Variants in RBFOX1 observed in about 807,000 individuals in gnomAD.
The protein encoded by RBFOX1 is RNA binding fox-1 homolog 1, also known as RNA binding protein fox-1 homolog 1.
RBFOX1 carries 8 observed loss-of-function variants against 57.7 expected under a neutral mutation model. The observed-to-expected ratio is 0.14, with a 90% CI of 0.08 to 0.25. The LOEUF (loss-of-function observed/expected upper bound fraction) is 0.25. Among genes scored for constraint, RBFOX1 ranks in the 10% least tolerant of loss-of-function variants. RBFOX1 has a pLI of 1.00. For synonymous variants in RBFOX1, 326 were observed against 222.4 expected, an observed-to-expected ratio of 1.47 and a Z score of -4.15; for missense variants, 611 against 548.5, an observed-to-expected ratio of 1.11 and a Z score of -1.14.
chr16:5,418,593 T>C (rs1261512126), intron 1 of RBFOX1, among the ~76,000 whole-genome samples: 2 of 152,058 alleles, frequency 1.3e-5, no homozygotes, highest in Non-Finnish European at 2.9e-5. Context: ...TGAACCAGTT[T>C]ATGGATTTAT....
intron 3 of RBFOX1, among the ~76,000 whole-genome samples, chr16:7,001,581 C>G (rs372646305): frequency 6.6e-6 from 1 of 152,026 alleles, no homozygotes; most frequent in Non-Finnish European, 1.5e-5. Context: ...ATCAGCCTCC[C>G]GAGTAGCTGG....
intron 3 of RBFOX1, among the ~76,000 whole-genome samples, chr16:6,818,034 G>T (rs1236017013): frequency 1.3e-5 from 2 of 152,130 alleles, no homozygotes; most frequent in Admixed American, 6.5e-5. Context: ...TTTTGTGTCT[G>T]CTCTCCTATA....
chr16:6,213,024 T>G (rs1598413674), intron 1 of RBFOX1, among the ~76,000 whole-genome samples: 1 of 152,188 alleles, frequency 6.6e-6, no homozygotes, highest in African/African-American at 2.4e-5. Flanking sequence ...CCTGGAGACA[T>G]CCCTGCGTTG....
intron 4 of RBFOX1, among the ~76,000 whole-genome samples, chr16:7,155,791 A>G (rs111451230): frequency 6.9e-6 from 1 of 145,472 alleles, no homozygotes; most frequent in African/African-American, 2.5e-5. Context: ...ATATATAATC[A>G]TTCAGCTATT....
intron 3 of RBFOX1, among the ~76,000 whole-genome samples, chr16:6,754,784 A>G (rs147555082): frequency 0.021 from 3,236 of 152,136 alleles, 116 homozygotes; most frequent in African/African-American, 0.074. Flanking sequence ...TACATGTGCC[A>G]TGCTGGTGTG....
chr16:5,986,499 C>T (rs755933174), intron 4 of RBFOX1, among the ~76,000 whole-genome samples: 1 of 152,184 alleles, frequency 6.6e-6, no homozygotes, highest in African/African-American at 2.4e-5. Context: ...CGAATCATTC[C>T]ATTACTGTAA....
intron 3 of RBFOX1, among the ~76,000 whole-genome samples, chr16:6,943,054 G>A (rs12598594): frequency 0.12 from 18,808 of 152,150 alleles, 1,285 homozygotes; most frequent in East Asian, 0.23. Context: ...CTCCCTGAAT[G>A]CCTTTACGTT....
chr16:5,591,412 C>T (rs113854413), intron 2 of RBFOX1, among the ~76,000 whole-genome samples: 8,176 of 152,068 alleles, frequency 0.054, 704 homozygotes, highest in African/African-American at 0.18. Flanking sequence ...CCACTGTGCT[C>T]GGTTAATTTT....
At chr16:7,022,174 C>G (rs547722115) in intron 3 of RBFOX1, among the ~76,000 whole-genome samples, 2 of 149,852 alleles carry the variant, frequency 1.3e-5, no homozygotes, top group African/African-American at 4.9e-5. Context: ...AATGATCCTC[C>G]CACCTCAGCC....
At chr16:5,862,615 C>T (rs1412147473) in intron 3 of RBFOX1, among the ~76,000 whole-genome samples, 1 of 152,160 alleles carries the variant, frequency 6.6e-6, no homozygotes, top group South Asian at 2.1e-4. Flanking sequence ...ATGATAGAGA[C>T]CGGGTTCAGT....
chr16:6,849,623 T>A (rs980783172), intron 3 of RBFOX1, among the ~76,000 whole-genome samples: 2 of 152,172 alleles, frequency 1.3e-5, no homozygotes, highest in East Asian at 1.9e-4. Context: ...GAGCTGAGAT[T>A]GTACCACTGT....
At position 6,019,830 on chromosome 16, in the gene RBFOX1, G is replaced by C. The variant is rs2095031755; in HGVS notation, c.-289G>C. 1.8e-5 allele frequency: 27 copies of C among 1,522,630 alleles called. No individual in the cohort carries two copies. The South Asian group carries it at 3.1e-4, about 18-fold the overall frequency. The allele number at this position is 1,522,630 out of a possible 1,614,324, so 94.3% of individuals were successfully genotyped here. A position where few individuals can be genotyped will look rare whatever the true frequency, so the allele number is the denominator to read the frequency against. On this transcript the variant is annotated 5_prime_UTR_variant, in exon 1 of 16. Coordinates refer to ENST00000550418, the MANE Select transcript of RBFOX1 (RefSeq NM_018723.4). This position sits in a 1 kb window ranked among gnomAD's most constrained non-coding sequence, Gnocchi z 4.2. ...CGCCCAGGCAGGCGCGCCAGGGCGG[G>C]GCTGACCTGCCCGCGAAGTTGCGGA...
intron 3 of RBFOX1, among the ~76,000 whole-genome samples, chr16:5,818,183 A>T (rs768919850): frequency 2.0e-5 from 3 of 152,176 alleles, no homozygotes; most frequent in Non-Finnish European, 4.4e-5. Context: ...TTGCTGAGCC[A>T]GGCTGTGTGT....
At chr16:6,506,958 C>G (rs927181233) in intron 2 of RBFOX1, among the ~76,000 whole-genome samples, 5 of 152,116 alleles carry the variant, frequency 3.3e-5, no homozygotes, top group African/African-American at 1.2e-4. Context: ...TTAGTAGTAG[C>G]TAATCTTTAG....
chr16:5,935,113 C>T (rs1289607168), intron 4 of RBFOX1, among the ~76,000 whole-genome samples: 1 of 152,200 alleles, frequency 6.6e-6, no homozygotes, highest in Non-Finnish European at 1.5e-5. Context: ...GCTTTGCAAA[C>T]CTCCTGGCCT....
chr16:5,527,876 A>T (rs543843444), intron 2 of RBFOX1, among the ~76,000 whole-genome samples: 6 of 152,232 alleles, frequency 3.9e-5, no homozygotes, highest in African/African-American at 1.4e-4. Flanking sequence ...AAAATATTAG[A>T]TATCGGTTTA....
At chr16:7,252,241 C>CATTT (rs1328714540) in intron 4 of RBFOX1, among the ~76,000 whole-genome samples, 2 of 152,216 alleles carry the variant, frequency 1.3e-5, no homozygotes, top group African/African-American at 4.8e-5. Context: ...TATCTCCATT[C>CATTT]ATTTATTCGT....
At chr16:5,646,825 G>A (rs1317926035) in intron 3 of RBFOX1, among the ~76,000 whole-genome samples, 2 of 151,896 alleles carry the variant, frequency 1.3e-5, no homozygotes, top group Non-Finnish European at 2.9e-5. Flanking sequence ...AGTAGAGACA[G>A]GGTTTCACTG....
At chr16:6,610,481 C>G (rs568179694) in intron 2 of RBFOX1, among the ~76,000 whole-genome samples, 1 of 152,140 alleles carries the variant, frequency 6.6e-6, no homozygotes, top group African/African-American at 2.4e-5. Context: ...GTGCATGCCA[C>G]CACACTCAGC....
Sources: gnomAD v4.1 joint callset for allele counts (sites outside exome capture counted in the v4.1 genomes callset) on GRCh38, gnomAD v4.1.1 for gene constraint, Gnocchi (gnomAD v3.1) non-coding constraint, MANE v1.5 for transcripts, NCBI Gene and HGNC (gene_info 2026-07-23, HGNC 2026-07-21) for gene names.